B3GALT1: variants seen among roughly 807,000 people sequenced by gnomAD.
B3GALT1 encodes the protein beta-1,3-galactosyltransferase 1.
In B3GALT1, 10 loss-of-function variants were observed where a neutral mutation model predicts 23.2. That is an observed-to-expected ratio of 0.43 (90% CI 0.27 to 0.73). B3GALT1 has a LOEUF of 0.73. Ranked by LOEUF, B3GALT1 falls within the 30% of genes least tolerant of loss-of-function variation. The pLI is 0.21. For synonymous variants in B3GALT1, 156 were observed against 141.5 expected (o/e 1.10, Z -0.73); for missense variants, 299 against 405.4 (o/e 0.74, Z 2.25).
intron 1 of B3GALT1, among the ~76,000 whole-genome samples, chr2:167,450,443 C>A (rs115548921): frequency 2.0e-5 from 3 of 152,238 alleles, no homozygotes; most frequent in Non-Finnish European, 4.4e-5. Context: ...GTCTTTCCTT[C>A]ATTTATGAAG....
At chr2:167,648,850 CA>C (rs1244001434) in intron 3 of B3GALT1, among the ~76,000 whole-genome samples, 3 of 152,062 alleles carry the variant, frequency 2.0e-5, no homozygotes, top group Non-Finnish European at 4.4e-5. Flanking sequence ...CCCTGGATTT[CA>C]GCTTGGTTTT....
At chr2:167,740,477 G>T (rs921148793) in intron 3 of B3GALT1, among the ~76,000 whole-genome samples, 1 of 151,688 alleles carries the variant, frequency 6.6e-6, no homozygotes, top group African/African-American at 2.4e-5. Flanking sequence ...AGTCTTTTGT[G>T]GACTTTATTT....
rs78464764 is a variant in B3GALT1, at chr2:167,585,132, T to C, written c.-409-61777T>C. 5.4e-3 allele frequency among the ~76,000 whole-genome samples: 816 copies of C among 152,240 alleles called. 5 individuals are homozygous for C. Among genetic ancestry groups the C allele is most frequent in the African/African-American group, 0.018 (757 of 41,552 alleles). On this transcript the variant is annotated intron_variant, in intron 2 of 4. Transcript: ENST00000392690. ...TAACAGGCAAAGACACTCTTTTCGC[T>C]CTTAAAATTCAAAGGATTTTAGGAA...
intron 3 of B3GALT1, among the ~76,000 whole-genome samples, chr2:167,810,402 C>T (rs190015839): frequency 6.6e-6 from 1 of 150,392 alleles, no homozygotes; most frequent in Non-Finnish European, 1.5e-5. Flanking sequence ...GGAGCTGTTC[C>T]TATTCGGCCA....
chr2:167,566,268 G>A (rs866615375), intron 2 of B3GALT1, among the ~76,000 whole-genome samples: 8 of 151,600 alleles, frequency 5.3e-5, no homozygotes, highest in Non-Finnish European at 8.8e-5. Flanking sequence ...ACCAAACACC[G>A]CATGTTCTCA....
At chr2:167,688,342 C>T (rs1686650411) in intron 3 of B3GALT1, among the ~76,000 whole-genome samples, 3 of 151,860 alleles carry the variant, frequency 2.0e-5, no homozygotes, top group Admixed American at 2.0e-4. Context: ...AATTTTCTGC[C>T]AAAGATTTTA....
chr2:167,716,184 CTGCGG>C (rs1687143675), intron 3 of B3GALT1: 1 of 1,098,660 alleles, frequency 9.1e-7, no homozygotes, highest in African/African-American at 1.6e-5. Flanking sequence ...GAGCGGACTA[CTGCGG>C]AGCCGGCTGC....
At chr2:167,441,878 A>G (rs1029160949) in intron 1 of B3GALT1, among the ~76,000 whole-genome samples, 18 of 150,476 alleles carry the variant, frequency 1.2e-4, no homozygotes, top group African/African-American at 4.4e-4. Context: ...TTTTTAATTT[A>G]ATTTATTTTT....
intron 1 of B3GALT1, among the ~76,000 whole-genome samples, chr2:167,380,071 C>A (rs1419317796): frequency 6.6e-6 from 1 of 152,172 alleles, no homozygotes; most frequent in East Asian, 1.9e-4. Flanking sequence ...GCAGCATGAT[C>A]TATGTCCAGG....
At chr2:167,460,971 G>A (rs920985237) in intron 1 of B3GALT1, among the ~76,000 whole-genome samples, 7 of 152,108 alleles carry the variant, frequency 4.6e-5, no homozygotes, top group African/African-American at 1.4e-4. Flanking sequence ...TTCCTAAAAG[G>A]GGTAAAAAGA....
intron 4 of B3GALT1, among the ~76,000 whole-genome samples, chr2:167,842,186 C>G (rs1689665117): frequency 6.6e-6 from 1 of 152,190 alleles, no homozygotes. Flanking sequence ...AATAGAAACA[C>G]ATGAGGTCTC....
chr2:167,764,437 T>C (rs745449746), intron 3 of B3GALT1, among the ~76,000 whole-genome samples: 2 of 152,192 alleles, frequency 1.3e-5, no homozygotes, highest in Non-Finnish European at 2.9e-5. Context: ...ATGCAGATGC[T>C]TACTGAATCC....
At chr2:167,437,986 C>A (rs1698813700) in intron 1 of B3GALT1, among the ~76,000 whole-genome samples, 1 of 152,200 alleles carries the variant, frequency 6.6e-6, no homozygotes, top group Admixed American at 6.5e-5. Flanking sequence ...ATGGCACTTT[C>A]TTCCCTCCTA....
At chr2:167,590,270 C>A (rs1227958500) in intron 2 of B3GALT1, among the ~76,000 whole-genome samples, 1 of 150,710 alleles carries the variant, frequency 6.6e-6, no homozygotes. Flanking sequence ...GGTGTGAACC[C>A]GGGAGGCAGA....
chr2:167,303,990 A>G (rs987090813), intron 1 of B3GALT1, among the ~76,000 whole-genome samples: 4 of 152,122 alleles, frequency 2.6e-5, no homozygotes, highest in Non-Finnish European at 4.4e-5. Context: ...ATCAGAATTT[A>G]TAAGCTTACT....
At chr2:167,781,223 C>T (rs1441299439) in intron 3 of B3GALT1, among the ~76,000 whole-genome samples, 2 of 152,110 alleles carry the variant, frequency 1.3e-5, no homozygotes, top group Non-Finnish European at 2.9e-5. Flanking sequence ...TTTTAATACT[C>T]AGAGTTCTTT....
chr2:167,581,121 A>G (rs1051167413), intron 2 of B3GALT1, among the ~76,000 whole-genome samples: 3 of 152,194 alleles, frequency 2.0e-5, no homozygotes, highest in Admixed American at 2.0e-4. Context: ...TTTGATTGAT[A>G]TTAAAGGTTT....
intron 3 of B3GALT1, among the ~76,000 whole-genome samples, chr2:167,809,131 C>T (rs1419530132): frequency 6.6e-6 from 1 of 152,202 alleles, no homozygotes; most frequent in Non-Finnish European, 1.5e-5. Context: ...GTTTTCAGCT[C>T]CATCAGGTCC....
intron 2 of B3GALT1, among the ~76,000 whole-genome samples, chr2:167,609,446 G>A (rs12612088): frequency 1.2e-4 from 18 of 151,934 alleles, no homozygotes; most frequent in African/African-American, 4.1e-4. Context: ...AGGGTGGGAC[G>A]AGTGGCTCAA....
Sources: gnomAD v4.1 joint callset for allele counts (sites outside exome capture counted in the v4.1 genomes callset) on GRCh38, gnomAD v4.1.1 for gene constraint, MANE v1.5 for transcripts, NCBI Gene and HGNC (gene_info 2026-07-23, HGNC 2026-07-21) for gene names.